The following RAB37 variants were observed in gnomAD, a reference collection of about 807,000 sequenced individuals.
The protein encoded by RAB37 is RAB37, member RAS oncogene family.
A neutral mutation model predicts 33.1 loss-of-function variants in RAB37; 29 were observed. That is an observed-to-expected ratio of 0.88 (90% CI 0.65 to 1.20). The LOEUF (loss-of-function observed/expected upper bound fraction) is 1.20. Ranked by LOEUF, RAB37 falls within the 50% of genes most tolerant of loss-of-function variation. The pLI, the probability that RAB37 is intolerant of heterozygous loss-of-function variation, is 0.00. For synonymous variants in RAB37, 128 were observed against 119.5 expected (o/e 1.07, Z -0.47); for missense variants, 299 against 301.1 (o/e 0.99, Z 0.05).
At chr17:74,682,071 G>C (rs1048365611) in intron 1 of RAB37, among the ~76,000 whole-genome samples, 4 of 152,194 alleles carry the variant, frequency 2.6e-5, no homozygotes, top group African/African-American at 4.8e-5. Context: ...TTTCCAACTT[G>C]CAGAAAACTT....
chr17:74,695,205 C>T (rs2032312568), intron 1 of RAB37: 2 of 1,614,014 alleles, frequency 1.2e-6, no homozygotes, highest in Admixed American at 1.7e-5. Context: ...ATCCTCAGCA[C>T]CCAAGGTCAG....
At position 74,745,280 on chromosome 17, in the gene RAB37, GCCCAGCCCA is replaced by G. The variant is rs756609467; in HGVS notation, c.567-25_567-17del. ...CCTCACCCCAGCCCAGCCCAGCCCA[GCCCAGCCCA>G]TTGTCTCTTCTTCAAGGGAACTGAA... is the stretch of plus-strand genomic sequence containing the variant. On this transcript the variant is annotated splice_polypyrimidine_tract_variant and intron_variant, in intron 8 of 8. Coordinates refer to ENST00000392613, the MANE Select transcript of RAB37 (RefSeq NM_001006638.3). The surrounding 1 kb of genome is among the most constrained non-coding windows in gnomAD (Gnocchi z 4.5). The G allele has an allele frequency of 6.9e-5, 109 of 1,583,470 alleles. No homozygotes were observed. The highest frequency in any genetic ancestry group is 8.9e-5 in the East Asian group (4 of 44,718).
At chr17:74,673,476 C>T (rs189555092) in intron 1 of RAB37, among the ~76,000 whole-genome samples, 16 of 149,842 alleles carry the variant, frequency 1.1e-4, no homozygotes, top group African/African-American at 3.7e-4. Context: ...ACAAAATTTT[C>T]CTGGCAACTA....
At chr17:74,692,458 C>T (rs372438363) in intron 1 of RAB37, among the ~76,000 whole-genome samples, 2 of 152,186 alleles carry the variant, frequency 1.3e-5, no homozygotes, top group African/African-American at 4.8e-5. Context: ...GCCAGATGCC[C>T]TTGGGGTGTC....
intron 5 of RAB37, 90 bp downstream of exon 5, chr17:74,743,430 G>A (rs1048790048): frequency 2.3e-6 from 3 of 1,314,850 alleles, no homozygotes; most frequent in African/African-American, 2.9e-5. Flanking sequence ...GTGGAAAGCG[G>A]GTGGAGCGTG....
intron 1 of RAB37, among the ~76,000 whole-genome samples, chr17:74,690,697 G>A (rs1218754259): frequency 6.6e-6 from 1 of 152,198 alleles, no homozygotes; most frequent in East Asian, 1.9e-4. Context: ...ATTAGCAGCT[G>A]ACTCCTACAG....
At position 74,730,975 on chromosome 17, in the gene RAB37, G is replaced by C. The variant is rs1038123008; in HGVS notation, c.183+1609G>C. 4.6e-5 allele frequency among the ~76,000 whole-genome samples: 7 copies of C among 152,260 alleles called. No individual in the cohort carries two copies. Among genetic ancestry groups the C allele is most frequent in the Non-Finnish European group, 1.0e-4 (7 of 68,046 alleles). On this transcript the variant is annotated intron_variant, in intron 2 of 7. Transcript: ENST00000340415. This position sits in a 1 kb window ranked among gnomAD's most constrained non-coding sequence, Gnocchi z 4.4. ...ACACTGGGCTTTCCCACTGACCTCA[G>C]GGTGGGCCTCCTAGAGCCTGGGCTG... is the stretch of plus-strand genomic sequence containing the variant.
Position 74,745,514 on chromosome 17 carries a change from G to A in RAB37, c.*103G>A. 2.1e-6 allele frequency: 2 copies of A among 937,998 alleles called. No individual in the cohort carries two copies. The highest frequency in any genetic ancestry group is 1.7e-6 in the Non-Finnish European group (1 of 593,368). 58.1% of individuals were successfully genotyped at this position (937,998 alleles called of 1,614,324 possible). On this transcript the variant is annotated 3_prime_UTR_variant, in exon 9 of 9. Coordinates refer to ENST00000392613, the MANE Select transcript of RAB37 (RefSeq NM_001006638.3). This position sits in a 1 kb window ranked among gnomAD's most constrained non-coding sequence, Gnocchi z 4.5. ...AGGCTGAGCCAATGGGGAGAAAGAT[G>A]GAGGACTCACTGCACAGCCGCTTCC...
At chr17:74,672,471 G>A (rs552656630) in intron 1 of RAB37, among the ~76,000 whole-genome samples, 4 of 152,104 alleles carry the variant, frequency 2.6e-5, no homozygotes, top group Non-Finnish European at 5.9e-5. Flanking sequence ...AAAGCTGTAC[G>A]TGATCCTATA....
chr17:74,702,082 G>T (rs1258446235), intron 1 of RAB37, among the ~76,000 whole-genome samples: 5 of 152,012 alleles, frequency 3.3e-5, no homozygotes, highest in African/African-American at 1.2e-4. Flanking sequence ...GCAAATGGGA[G>T]AGGGGGAGTA....
chr17:74,679,751 G>A (rs890900564), intron 1 of RAB37, among the ~76,000 whole-genome samples: 4 of 152,086 alleles, frequency 2.6e-5, no homozygotes, highest in African/African-American at 9.7e-5. Context: ...AGGCTGAGAT[G>A]GGCAGATCAT....
intron 1 of RAB37, chr17:74,712,924 A>G (rs763753073): frequency 9.0e-6 from 14 of 1,555,384 alleles, no homozygotes; most frequent in Non-Finnish European, 1.2e-5. Context: ...GGAACAAACT[A>G]CAGACTCCCA....
At position 74,742,612 on chromosome 17, in the gene RAB37, C is replaced by T. The variant is rs531989141; in HGVS notation, c.246+317C>T. Among the ~76,000 whole-genome samples, 240 of 151,070 alleles carry T rather than the reference C, an allele frequency of 1.6e-3. No individual in the cohort carries two copies. Among genetic ancestry groups the T allele is most frequent in the Middle Eastern group, 6.8e-3 (2 of 294 alleles). ...CTGAGCTAGGGGAGAGGAGAAGATT[C>T]TTTTTTTTTCTTTTCTTTTCTTTTT... On this transcript the variant is annotated intron_variant, in intron 3 of 8. Transcript: ENST00000392613. The surrounding 1 kb of genome is among the most constrained non-coding windows in gnomAD (Gnocchi z 4.0).
At chr17:74,675,525 G>A (rs1014495553) in intron 1 of RAB37, among the ~76,000 whole-genome samples, 16 of 151,868 alleles carry the variant, frequency 1.1e-4, no homozygotes, top group African/African-American at 1.7e-4. Context: ...CTAAAATGAT[G>A]AGCTTTGTGA....
intron 1 of RAB37, among the ~76,000 whole-genome samples, chr17:74,688,909 T>C (rs188625784): frequency 5.3e-5 from 8 of 152,346 alleles, no homozygotes; most frequent in East Asian, 3.9e-4. Context: ...GGGCCCCACT[T>C]TTCAGCAGAC....
At chr17:74,680,688 C>G (rs1019885434) in intron 1 of RAB37, among the ~76,000 whole-genome samples, 2 of 152,124 alleles carry the variant, frequency 1.3e-5, no homozygotes, top group Non-Finnish European at 2.9e-5. Flanking sequence ...GACAGTCATT[C>G]TATTCTCTCC....
At chr17:74,675,305 T>G (rs139545758) in intron 1 of RAB37, among the ~76,000 whole-genome samples, 10,827 of 151,778 alleles carry the variant, frequency 0.071, 495 homozygotes, top group East Asian at 0.13. Flanking sequence ...GGTGGTGGCA[T>G]GCACCTGCAG....
In RAB37 at chr17:74,729,156, AT is replaced by A. The variant is rs2144029941; in HGVS notation, c.73-99del. The A allele has an allele frequency of 1.3e-6, 1 of 785,288 alleles. No individual in the cohort carries two copies. The highest frequency in any genetic ancestry group is 1.8e-5 in the Admixed American group (1 of 56,250). 48.6% of individuals were successfully genotyped at this position (785,288 alleles called of 1,614,324 possible). A position where few individuals can be genotyped will look rare whatever the true frequency, so the allele number is the denominator to read the frequency against. On this transcript the variant is annotated intron_variant, in intron 1 of 7. Coordinates refer to the RAB37 transcript ENST00000340415. This position sits in a 1 kb window ranked among gnomAD's most constrained non-coding sequence, Gnocchi z 4.2. ...GTGTGTGTGTGTGCATGTTGTGCAC[AT>A]GCGTGCTTAGAAAGAATCCACTCCC...
At chr17:74,708,345 AAAG>A (rs1436041131) in intron 1 of RAB37, among the ~76,000 whole-genome samples, 1 of 152,188 alleles carries the variant, frequency 6.6e-6, no homozygotes, top group Non-Finnish European at 1.5e-5. Context: ...CCAAACACGT[AAAG>A]AAGAAATAAT....
Sources: allele counts gnomAD v4.1 joint callset (sites outside exome capture counted in the v4.1 genomes callset), GRCh38; gene constraint gnomAD v4.1.1; non-coding constraint Gnocchi (gnomAD v3.1); transcripts MANE v1.5; gene names NCBI Gene and HGNC (gene_info 2026-07-23, HGNC 2026-07-21).